Variants in NOL4 observed in about 807,000 individuals in gnomAD.
NOL4 encodes the protein nucleolar protein 4.
In NOL4, 17 loss-of-function variants were observed where a neutral mutation model predicts 75.9. That is an observed-to-expected ratio of 0.22 (90% confidence interval 0.15 to 0.34). NOL4 has a LOEUF of 0.34. NOL4 is among the 10% of genes least tolerant of loss of function. The pLI is 1.00. For synonymous variants in NOL4, 292 were observed against 289.9 expected (o/e 1.01, Z -0.07); for missense variants, 614 against 793.5 (o/e 0.77, Z 2.72).
intron 5 of NOL4, among the ~76,000 whole-genome samples, chr18:34,046,618 A>ATATATATACATATATATATATATG (rs2076384104): frequency 2.2e-4 from 25 of 114,416 alleles, no homozygotes; most frequent in Non-Finnish European, 6.1e-5. Context: ...ATATATATAT[A>ATATATATACATATATATATATATG]TATATATATA....
intron 1 of NOL4, among the ~76,000 whole-genome samples, chr18:34,194,675 C>G (rs1266375110): frequency 6.6e-6 from 1 of 152,082 alleles, no homozygotes; most frequent in African/African-American, 2.4e-5. Flanking sequence ...CTGTCATCCT[C>G]AGTAGTTTTT....
intron 1 of NOL4, among the ~76,000 whole-genome samples, chr18:34,179,986 TG>T (rs566400359): frequency 2.0e-4 from 30 of 151,100 alleles, no homozygotes; most frequent in African/African-American, 3.4e-4. Context: ...TTAAACAGAT[TG>T]AAAAAAAAAA....
intron 2 of NOL4, chr18:34,128,802 A>G: frequency 2.6e-6 from 2 of 779,052 alleles, no homozygotes; most frequent in Non-Finnish European, 3.1e-6. Flanking sequence ...AGTTATGAAA[A>G]AGAAGCTATT....
chr18:34,005,309 T>G (rs925779540), intron 6 of NOL4, among the ~76,000 whole-genome samples: 2 of 152,040 alleles, frequency 1.3e-5, no homozygotes, highest in African/African-American at 4.8e-5. Context: ...TTTCGTGTAC[T>G]TTGGGACTGG....
chr18:33,867,139 G>T (rs187474639), intron 10 of NOL4, among the ~76,000 whole-genome samples: 1 of 152,238 alleles, frequency 6.6e-6, no homozygotes, highest in Non-Finnish European at 1.5e-5. Flanking sequence ...ACCGTAGGGG[G>T]TTAATTGTTT....
Position 33,882,221 on chromosome 18 carries a change from A to C in NOL4, c.1723+1023T>G, listed in dbSNP as rs944397700. On this transcript the variant is annotated intron_variant, in intron 10 of 10. Transcript: ENST00000261592. ...TTGACAAATGGGATCTAATTAAACTAAAGAGCTTCTGCACAGCAAAAGAAA... is the reference window on the plus strand; with the variant it reads ...TTGACAAATGGGATCTAATTAAACTCAAGAGCTTCTGCACAGCAAAAGAAA... 5.9e-5 allele frequency among the ~76,000 whole-genome samples: 9 copies of C among 152,330 alleles called. 1 individual carries two copies. The highest frequency in any genetic ancestry group is 1.2e-4 in the African/African-American group (5 of 41,584).
intron 4 of NOL4, among the ~76,000 whole-genome samples, chr18:34,098,337 C>T (rs1343292257): frequency 6.6e-6 from 1 of 152,150 alleles, no homozygotes; most frequent in African/African-American, 2.4e-5. Context: ...AGTCTTACTA[C>T]CCTGAGACCA....
intron 4 of NOL4, among the ~76,000 whole-genome samples, chr18:34,103,828 A>G (rs1451637921): frequency 6.6e-6 from 1 of 151,988 alleles, no homozygotes; most frequent in Non-Finnish European, 1.5e-5. Flanking sequence ...GAACAAACAA[A>G]TTCCCACATA....
At chr18:34,116,581 T>C (rs2079870540) in intron 2 of NOL4, among the ~76,000 whole-genome samples, 2 of 152,188 alleles carry the variant, frequency 1.3e-5, no homozygotes, top group East Asian at 1.9e-4. Context: ...TATATAATAC[T>C]AAAGTTTTTT....
chr18:33,953,826 G>C (rs951927663), intron 8 of NOL4, among the ~76,000 whole-genome samples: 8 of 152,124 alleles, frequency 5.3e-5, no homozygotes, highest in African/African-American at 1.9e-4. Context: ...CTGTACACAA[G>C]GACAGACATT....
intron 9 of NOL4, among the ~76,000 whole-genome samples, chr18:33,905,249 C>A (rs546447225): frequency 5.3e-5 from 8 of 152,108 alleles, no homozygotes; most frequent in Non-Finnish European, 1.0e-4. Context: ...GGTCTCACAT[C>A]CTTTTTGACC....
At chr18:34,168,360 T>C (rs981028639) in intron 1 of NOL4, among the ~76,000 whole-genome samples, 3 of 151,674 alleles carry the variant, frequency 2.0e-5, no homozygotes, top group Admixed American at 2.0e-4. Context: ...GAGATATAAA[T>C]AAATTTTTTT....
At chr18:34,151,620 A>G (rs1022614730) in intron 1 of NOL4, among the ~76,000 whole-genome samples, 4 of 151,878 alleles carry the variant, frequency 2.6e-5, no homozygotes, top group Non-Finnish European at 5.9e-5. Flanking sequence ...ATGACACTAT[A>G]TGGGTAGATA....
intron 6 of NOL4, among the ~76,000 whole-genome samples, chr18:33,970,054 G>C (rs2070926198): frequency 6.6e-6 from 1 of 152,154 alleles, no homozygotes; most frequent in Non-Finnish European, 1.5e-5. Context: ...GTCTACAGTG[G>C]GGTCCAAGAA....
rs1040690646 is a variant in NOL4, at chr18:34,218,198, G to A, written c.264+4792C>T. Among the ~76,000 whole-genome samples, 6 of 151,840 alleles carry A rather than the reference G, an allele frequency of 4.0e-5. No homozygotes were observed. In the East Asian group the frequency reaches 5.8e-4, roughly 15 times the overall value. On this transcript the variant is annotated intron_variant, in intron 1 of 10. Coordinates refer to ENST00000261592, the MANE Select transcript of NOL4 (RefSeq NM_003787.5). Reference sequence around the variant, plus strand: ...GACTTGACACAAAATTAAAGTCCTTGAAAGTTCTCCTGCCATATGCCTGTA... The same window carrying A: ...GACTTGACACAAAATTAAAGTCCTTAAAAGTTCTCCTGCCATATGCCTGTA...
At chr18:33,870,043 AT>A (rs2063621234) in intron 10 of NOL4, among the ~76,000 whole-genome samples, 1 of 152,070 alleles carries the variant, frequency 6.6e-6, no homozygotes, top group Non-Finnish European at 1.5e-5. Flanking sequence ...ATTCAAATTT[AT>A]TTTTTAAATG....
At chr18:34,175,173 G>C (rs117041517) in intron 1 of NOL4, among the ~76,000 whole-genome samples, 2,229 of 152,226 alleles carry the variant, frequency 0.015, 15 homozygotes, top group Middle Eastern at 0.034. Context: ...AGAGAAAGGA[G>C]AATGGAACTG....
intron 9 of NOL4, among the ~76,000 whole-genome samples, chr18:33,938,589 G>C (rs1319838380): frequency 6.6e-6 from 1 of 152,110 alleles, no homozygotes; most frequent in African/African-American, 2.4e-5. Context: ...CTTTTGAGAA[G>C]CGTCTGTTCA....
chr18:33,989,545 A>C (rs1199162378), intron 6 of NOL4, among the ~76,000 whole-genome samples: 1 of 152,116 alleles, frequency 6.6e-6, no homozygotes, highest in African/African-American at 2.4e-5. Flanking sequence ...TATTTGCTTA[A>C]TCTTTTTATA....
Sources: gnomAD v4.1 joint callset for allele counts (sites outside exome capture counted in the v4.1 genomes callset) on GRCh38, gnomAD v4.1.1 for gene constraint, MANE v1.5 for transcripts, NCBI Gene and HGNC (gene_info 2026-07-23, HGNC 2026-07-21) for gene names.